Variants in SNTB1 observed in about 807,000 individuals in gnomAD.
SNTB1 encodes beta-1-syntrophin.
Under a neutral mutation model 48.9 loss-of-function variants are expected in SNTB1, and 36 were observed. The observed-to-expected ratio is 0.74, with a 90% CI of 0.56 to 0.97. SNTB1 has a LOEUF of 0.97. Among genes scored for constraint, SNTB1 ranks in the 50% least tolerant of loss-of-function variants. SNTB1 has a pLI of 0.00. For synonymous variants in SNTB1, 299 were observed against 294.6 expected (o/e 1.01, Z -0.15); for missense variants, 786 against 703.4 (o/e 1.12, Z -1.33).
At chr8:120,704,091 A>T (rs1249180819) in intron 1 of SNTB1, among the ~76,000 whole-genome samples, 1 of 152,172 alleles carries the variant, frequency 6.6e-6, no homozygotes, top group Non-Finnish European at 1.5e-5. Flanking sequence ...GCCTCTAAAC[A>T]TATGCAAATG....
chr8:120,751,045 G>A (rs1156360400), intron 1 of SNTB1, among the ~76,000 whole-genome samples: 1 of 152,082 alleles, frequency 6.6e-6, no homozygotes, highest in African/African-American at 2.4e-5. Context: ...TCTAATAACT[G>A]ACCTATGATC....
At chr8:120,696,708 G>A (rs748165542) in intron 1 of SNTB1, among the ~76,000 whole-genome samples, 1 of 152,202 alleles carries the variant, frequency 6.6e-6, no homozygotes, top group South Asian at 2.1e-4. Flanking sequence ...GCATGACATA[G>A]GTGATCCCTT....
chr8:120,676,580 T>G (rs1465895842), intron 2 of SNTB1, among the ~76,000 whole-genome samples: 1 of 152,186 alleles, frequency 6.6e-6, no homozygotes, highest in Non-Finnish European at 1.5e-5. Context: ...ATTAGTTCAT[T>G]TAGCTAAATG....
At chr8:120,624,241 T>C (rs972823418) in intron 3 of SNTB1, among the ~76,000 whole-genome samples, 1 of 152,096 alleles carries the variant, frequency 6.6e-6, no homozygotes, top group African/African-American at 2.4e-5. Context: ...CCTGCCCGAC[T>C]AGGTAATTTA....
rs974652326 is a variant in SNTB1, at chr8:120,632,471, A to C, written c.969T>G (p.Ile323Met). ...TTTCTGCAAGCCAGCCAAGATGCCTAATCTCTCGGCTCCCAGCAATGCCTG... is the reference window on the plus strand; with the variant it reads ...TTTCTGCAAGCCAGCCAAGATGCCTCATCTCTCGGCTCCCAGCAATGCCTG... ...GKTGIAGSRE[I>M]RHLGWLAEKV... The change falls in exon 3 of 7, where the codon ATT becomes ATG. Residue 323 changes from isoleucine (I) to methionine (M), a missense_variant. Physicochemically the swap from Ile to Met is conservative, Grantham distance 10 (BLOSUM62 1). Coordinates refer to ENST00000517992, the MANE Select transcript of SNTB1 (RefSeq NM_021021.4). 7.4e-6 allele frequency: 12 copies of C among 1,613,990 alleles called. No individual in the cohort carries two copies. The highest frequency in any genetic ancestry group is 1.7e-5 in the Admixed American group (1 of 60,006).
At chr8:120,683,099 T>C (rs969585901) in intron 2 of SNTB1, among the ~76,000 whole-genome samples, 1 of 152,062 alleles carries the variant, frequency 6.6e-6, no homozygotes, top group Admixed American at 6.5e-5. Flanking sequence ...GCCAGGATGG[T>C]CTCAATCTCC....
chr8:120,601,264 T>A (rs1363490241), intron 3 of SNTB1, among the ~76,000 whole-genome samples: 3 of 151,342 alleles, frequency 2.0e-5, no homozygotes, highest in African/African-American at 7.3e-5. Flanking sequence ...GGAGGGGAGG[T>A]ATGCACGCAT....
At chr8:120,632,677 A>G in intron 2 of SNTB1, 26 bp from the exon 3 acceptor site, 2 of 1,607,436 alleles carry the variant, frequency 1.2e-6, no homozygotes, top group South Asian at 2.2e-5. Context: ...GAGAAGGGTT[A>G]GAAAGTTTCC....
intron 5 of SNTB1, among the ~76,000 whole-genome samples, chr8:120,542,801 A>G (rs1815313810): frequency 6.6e-6 from 1 of 152,110 alleles, no homozygotes; most frequent in Non-Finnish European, 1.5e-5. Context: ...AAAATTAACT[A>G]ACGTAAATAC....
At chr8:120,550,552 A>AAG (rs943208993) in intron 4 of SNTB1, among the ~76,000 whole-genome samples, 2 of 151,260 alleles carry the variant, frequency 1.3e-5, no homozygotes, top group African/African-American at 4.9e-5. Context: ...TAAAAAAAAA[A>AAG]AAAAAAAAAA....
intron 1 of SNTB1, among the ~76,000 whole-genome samples, chr8:120,772,910 A>T (rs1264276603): frequency 6.6e-6 from 1 of 152,196 alleles, no homozygotes. Flanking sequence ...GTAACACACT[A>T]TTCAATGAAA....
At chr8:120,779,262 T>TG (rs34532047) in intron 1 of SNTB1, among the ~76,000 whole-genome samples, 1 of 152,274 alleles carries the variant, frequency 6.6e-6, no homozygotes, top group East Asian at 1.9e-4. Context: ...CCCAGCACTT[T>TG]GGGAGGTCGA....
chr8:120,784,088 G>T (rs781481445), intron 1 of SNTB1, among the ~76,000 whole-genome samples: 1 of 152,020 alleles, frequency 6.6e-6, no homozygotes, highest in African/African-American at 2.4e-5. Flanking sequence ...CCACCTCCTG[G>T]GTTCAAGCAA....
At chr8:120,656,550 A>T (rs1486298803) in intron 2 of SNTB1, among the ~76,000 whole-genome samples, 2 of 152,214 alleles carry the variant, frequency 1.3e-5, no homozygotes, top group African/African-American at 4.8e-5. Flanking sequence ...TGCTCAGCTG[A>T]TTTAAAAAAA....
chr8:120,798,146 T>C (rs1033438165), intron 1 of SNTB1, among the ~76,000 whole-genome samples: 3 of 152,024 alleles, frequency 2.0e-5, no homozygotes, highest in Non-Finnish European at 2.9e-5. Context: ...CTCAGCAATT[T>C]GCTGCCCTAC....
intron 1 of SNTB1, among the ~76,000 whole-genome samples, chr8:120,696,401 G>A (rs1437749846): frequency 3.3e-5 from 5 of 152,172 alleles, no homozygotes; most frequent in African/African-American, 9.6e-5. Context: ...GAAAAGGTAA[G>A]TCAGGTCTCA....
chr8:120,600,841 G>T (rs1816410512), intron 3 of SNTB1, among the ~76,000 whole-genome samples: 1 of 151,786 alleles, frequency 6.6e-6, no homozygotes, highest in African/African-American at 2.4e-5. Context: ...ACAAGCAAAA[G>T]ACACAGGGCA....
chr8:120,582,222 A>G (rs1033980067), intron 3 of SNTB1, among the ~76,000 whole-genome samples: 2 of 152,208 alleles, frequency 1.3e-5, no homozygotes, highest in African/African-American at 4.8e-5. Flanking sequence ...TTAGAAATCA[A>G]TAATGGAGAT....
intron 2 of SNTB1, among the ~76,000 whole-genome samples, chr8:120,633,693 C>CAG (rs982418111): frequency 7.9e-5 from 12 of 151,810 alleles, no homozygotes; most frequent in African/African-American, 1.5e-4. Context: ...ACTGGAGAAA[C>CAG]AGAGAGAGAG....
Sources: allele counts gnomAD v4.1 joint callset (sites outside exome capture counted in the v4.1 genomes callset), GRCh38; gene constraint gnomAD v4.1.1; transcripts MANE v1.5; gene names NCBI Gene and HGNC (gene_info 2026-07-23, HGNC 2026-07-21).